ARHGAP42: variants seen among roughly 807,000 people sequenced by gnomAD.
ARHGAP42 encodes the protein rho GTPase-activating protein 42.
ARHGAP42 carries 63 observed loss-of-function variants against 125.0 expected under a neutral mutation model. That is an observed-to-expected ratio of 0.50 (90% CI 0.41 to 0.62). ARHGAP42 has a LOEUF of 0.62. ARHGAP42 is among the 20% of genes least tolerant of loss of function. The probability of loss-of-function intolerance (pLI) is 0.00; values close to 1 mark genes in which losing one functional copy is unlikely to be tolerated. For synonymous variants in ARHGAP42, 339 were observed against 351.0 expected (o/e 0.97, Z 0.38); for missense variants, 766 against 1,024.2 (o/e 0.75, Z 3.44).
chr11:100,950,634 TCTTTAATTACCTG>T (rs1372552218), intron 12 of ARHGAP42, among the ~76,000 whole-genome samples: 2 of 152,012 alleles, frequency 1.3e-5, no homozygotes, highest in Non-Finnish European at 2.9e-5. Flanking sequence ...TTCTGAATCC[TCTTTAATTACCTG>T]CCAACTTCTT....
At chr11:100,982,623 C>G (rs1046276745) in intron 22 of ARHGAP42, among the ~76,000 whole-genome samples, 8 of 152,134 alleles carry the variant, frequency 5.3e-5, no homozygotes, top group African/African-American at 1.9e-4. Context: ...ACCTGGGTCT[C>G]AGTTATACTC....
chr11:100,873,171 A>T (rs553841786), intron 4 of ARHGAP42, among the ~76,000 whole-genome samples: 8 of 152,346 alleles, frequency 5.3e-5, no homozygotes, highest in African/African-American at 1.9e-4. Flanking sequence ...AGGAAGTGAC[A>T]TAGTGGTATA....
intron 4 of ARHGAP42, among the ~76,000 whole-genome samples, chr11:100,865,372 A>G (rs1865545774): frequency 6.6e-6 from 1 of 152,218 alleles, no homozygotes. Context: ...GGCTTAGAGA[A>G]TTTAAGAAGT....
intron 1 of ARHGAP42, among the ~76,000 whole-genome samples, chr11:100,699,482 A>G (rs569422158): frequency 0.2 from 4,513 of 22,606 alleles, 339 homozygotes; most frequent in African/African-American, 0.4. Flanking sequence ...TTATTCATGT[A>G]TATATATATA....
At chr11:100,885,788 G>C (rs1274768082) in intron 4 of ARHGAP42, among the ~76,000 whole-genome samples, 1 of 152,086 alleles carries the variant, frequency 6.6e-6, no homozygotes, top group Non-Finnish European at 1.5e-5. Context: ...GCAACTGCAA[G>C]AATTAATAAT....
At chr11:100,889,397 G>A (rs1372741386) in intron 4 of ARHGAP42, among the ~76,000 whole-genome samples, 1 of 152,152 alleles carries the variant, frequency 6.6e-6, no homozygotes, top group Non-Finnish European at 1.5e-5. Context: ...TCCGTCATAT[G>A]AGGACACAGA....
chr11:100,801,557 C>T (rs570195510), intron 3 of ARHGAP42, among the ~76,000 whole-genome samples: 1 of 152,292 alleles, frequency 6.6e-6, no homozygotes, highest in African/African-American at 2.4e-5. Context: ...AGAAATGGAA[C>T]TTCCTCTTGT....
chr11:100,700,412 T>C (rs544446106), intron 1 of ARHGAP42, among the ~76,000 whole-genome samples: 106 of 151,780 alleles, frequency 7.0e-4, no homozygotes, highest in Non-Finnish European at 1.2e-3. Context: ...TTGACTCTTC[T>C]TGCACAAAAG....
intron 17 of ARHGAP42, among the ~76,000 whole-genome samples, chr11:100,966,984 A>G (rs1858111877): frequency 6.6e-6 from 1 of 152,202 alleles, no homozygotes; most frequent in South Asian, 2.1e-4. Context: ...TTTGAGCCAT[A>G]TACATTTGAA....
chr11:100,956,388 G>A (rs1857805536), intron 12 of ARHGAP42, among the ~76,000 whole-genome samples: 1 of 152,130 alleles, frequency 6.6e-6, no homozygotes, highest in Non-Finnish European at 1.5e-5. Context: ...GGTCAGCAGT[G>A]ACTCTCAACA....
rs527937653 is a variant in ARHGAP42 at position 100,861,271 on chromosome 11, C to T, written c.384+1646C>T. On this transcript the variant is annotated intron_variant, in intron 4 of 23. Coordinates refer to ENST00000298815, the MANE Select transcript of ARHGAP42 (RefSeq NM_152432.4). ...TTTTCTTGGTCGGGGAGGGAAGAGCCTGGCATTTTAGTGGAAGAAAGTCCA... is the reference window on the plus strand; with the variant it reads ...TTTTCTTGGTCGGGGAGGGAAGAGCTTGGCATTTTAGTGGAAGAAAGTCCA... 2.0e-5 allele frequency among the ~76,000 whole-genome samples: 3 copies of T among 152,228 alleles called. No individual in the cohort carries two copies. In the South Asian group the frequency reaches 6.2e-4, roughly 32 times the overall value.
intron 22 of ARHGAP42, 102 bp downstream of exon 22, chr11:100,979,151 C>A: frequency 2.6e-6 from 3 of 1,155,488 alleles, no homozygotes; most frequent in Non-Finnish European, 3.8e-6. Context: ...CTCCATTATG[C>A]AGATGGTCAA....
intron 15 of ARHGAP42, 65 bp downstream of exon 15, chr11:100,961,833 A>C (rs1857963986): frequency 1.5e-6 from 2 of 1,349,236 alleles, no homozygotes; most frequent in African/African-American, 2.9e-5. Flanking sequence ...AGTAGTAACC[A>C]CGTGATTTCT....
chr11:100,907,660 C>T (rs1866776964), intron 4 of ARHGAP42, among the ~76,000 whole-genome samples: 1 of 152,122 alleles, frequency 6.6e-6, no homozygotes, highest in Non-Finnish European at 1.5e-5. Flanking sequence ...CCAGGTAATG[C>T]CTAAACAACG....
Position 100,814,814 on chromosome 11 carries a change from C to T in ARHGAP42, c.312+19648C>T, listed in dbSNP as rs144707512. Among the ~76,000 whole-genome samples, 456 of 152,352 alleles carry T rather than the reference C, an allele frequency of 3.0e-3. 1 individual carries two copies. The highest frequency in any genetic ancestry group is 4.1e-3 in the Non-Finnish European group (278 of 68,036). On this transcript the variant is annotated intron_variant, in intron 3 of 23. Transcript: ENST00000298815. The stretch of plus-strand genomic sequence containing the variant: ...TCCAGTCCCTTCTCACTAGGCCTCA[C>T]TTCCAACACTGGGGATTACAGTTGA...
chr11:100,934,449 G>T (rs918930120), intron 7 of ARHGAP42, among the ~76,000 whole-genome samples: 1 of 151,600 alleles, frequency 6.6e-6, no homozygotes, highest in Non-Finnish European at 1.5e-5. Flanking sequence ...TTCCATACAG[G>T]CCACCTATTT....
At chr11:100,826,309 G>A (rs1261893461) in intron 3 of ARHGAP42, among the ~76,000 whole-genome samples, 1 of 152,096 alleles carries the variant, frequency 6.6e-6, no homozygotes, top group Non-Finnish European at 1.5e-5. Context: ...TGGACTTTCT[G>A]TAGTTTGATT....
chr11:100,975,061 C>A (rs1858352620), intron 19 of ARHGAP42, among the ~76,000 whole-genome samples: 1 of 152,108 alleles, frequency 6.6e-6, no homozygotes, highest in Non-Finnish European at 1.5e-5. Context: ...CTGAGCCAAG[C>A]CCTAAGGTGA....
Position 100,731,359 on chromosome 11 carries a change from A to G in ARHGAP42, c.155-38984A>G, listed in dbSNP as rs141527943. 8.2e-3 allele frequency among the ~76,000 whole-genome samples: 1,253 copies of G among 152,156 alleles called. 17 individuals carry two copies. Among genetic ancestry groups the G allele is most frequent in the African/African-American group, 0.028 (1,182 of 41,484 alleles). ...TTTTTAGTAGAGACGGGGTTTCACCATGTTGGCCAGGGTGGTCTCGATCTC... is the reference window on the plus strand; with the variant it reads ...TTTTTAGTAGAGACGGGGTTTCACCGTGTTGGCCAGGGTGGTCTCGATCTC... On this transcript the variant is annotated intron_variant, in intron 1 of 23. Coordinates refer to ENST00000298815, the MANE Select transcript of ARHGAP42 (RefSeq NM_152432.4).
Sources: allele counts gnomAD v4.1 joint callset (sites outside exome capture counted in the v4.1 genomes callset), GRCh38; gene constraint gnomAD v4.1.1; transcripts MANE v1.5; gene names NCBI Gene and HGNC (gene_info 2026-07-23, HGNC 2026-07-21).